CSMD1: variants seen among roughly 807,000 people sequenced by gnomAD.
CSMD1 encodes the protein CUB and sushi domain-containing protein 1.
A neutral mutation model predicts 417.5 loss-of-function variants in CSMD1; 213 were observed. That is an observed-to-expected ratio of 0.51 (90% CI 0.46 to 0.57). The LOEUF is 0.57. Ranked by LOEUF, CSMD1 falls within the 20% of genes least tolerant of loss-of-function variation. CSMD1 has a pLI of 0.00. For missense variants in CSMD1, 6,923 were observed against 4,529.7 expected (o/e 1.53, Z -15.17); for synonymous variants, 2,862 against 1,736.8 (o/e 1.65, Z -16.11).
At chr8:3,856,424 C>T (rs1360657229) in intron 5 of CSMD1, among the ~76,000 whole-genome samples, 1 of 152,152 alleles carries the variant, frequency 6.6e-6, no homozygotes, top group Non-Finnish European at 1.5e-5. Flanking sequence ...TTCTTTATAG[C>T]AATGCAAGAA....
intron 10 of CSMD1, among the ~76,000 whole-genome samples, chr8:3,572,225 G>C (rs1391686772): frequency 2.6e-5 from 4 of 152,172 alleles, no homozygotes; most frequent in Non-Finnish European, 4.4e-5. Context: ...CTCAGTCCAA[G>C]TGGGGCTGTG....
chr8:3,233,656 TC>T (rs1279205880), intron 26 of CSMD1, among the ~76,000 whole-genome samples: 1 of 152,216 alleles, frequency 6.6e-6, no homozygotes, highest in Admixed American at 6.5e-5. Context: ...ATTTTTATTC[TC>T]TTTTTTTTCA....
At chr8:3,635,117 C>T (rs1262904557) in intron 7 of CSMD1, among the ~76,000 whole-genome samples, 2 of 152,032 alleles carry the variant, frequency 1.3e-5, no homozygotes, top group Non-Finnish European at 2.9e-5. Flanking sequence ...TGACGTTGCT[C>T]TGGGTGACTC....
chr8:3,666,799 C>A (rs1226476692), intron 7 of CSMD1, among the ~76,000 whole-genome samples: 1 of 151,914 alleles, frequency 6.6e-6, no homozygotes, highest in Non-Finnish European at 1.5e-5. Context: ...GATTGTGAGG[C>A]CTCCTCAGCC....
Position 4,638,780 on chromosome 8 carries a change from A to C in CSMD1, c.86-1222T>G, listed in dbSNP as rs181201116. Among the ~76,000 whole-genome samples, 47 of 152,304 alleles carry C rather than the reference A, an allele frequency of 3.1e-4. No individual in the cohort carries two copies. The East Asian group carries it at 9.1e-3, about 29-fold the overall frequency. On this transcript the variant is annotated intron_variant, in intron 1 of 69. Coordinates refer to ENST00000635120, the MANE Select transcript of CSMD1 (RefSeq NM_033225.6). ...GTTTAGGATTGACATGACAATGGGA[A>C]ATGATGAGGGCTGAAGGGCAATTGA... is the stretch of plus-strand genomic sequence containing the variant.
chr8:3,301,133 T>C (rs1278227932), intron 25 of CSMD1, among the ~76,000 whole-genome samples: 1 of 152,096 alleles, frequency 6.6e-6, no homozygotes, highest in Non-Finnish European at 1.5e-5. Context: ...CAATTGTTTT[T>C]TTTTAATTTT....
chr8:4,990,882 T>G (rs977569560), intron 1 of CSMD1, among the ~76,000 whole-genome samples: 3 of 152,128 alleles, frequency 2.0e-5, no homozygotes, highest in Non-Finnish European at 4.4e-5. Flanking sequence ...TCTCTCGCGG[T>G]GGAGTTACAG....
intron 2 of CSMD1, among the ~76,000 whole-genome samples, chr8:4,456,928 C>G (rs757474759): frequency 6.6e-6 from 1 of 150,452 alleles, no homozygotes; most frequent in East Asian, 2.0e-4. Flanking sequence ...AACTGTTTAT[C>G]CTGAGCATGG....
At chr8:4,123,478 G>A (rs1293146375) in intron 3 of CSMD1, among the ~76,000 whole-genome samples, 2 of 152,142 alleles carry the variant, frequency 1.3e-5, no homozygotes, top group Non-Finnish European at 2.9e-5. Context: ...GTAAATCAGT[G>A]CAGTTGAATT....
intron 23 of CSMD1, among the ~76,000 whole-genome samples, chr8:3,336,433 T>C (rs1024687544): frequency 1.3e-5 from 2 of 152,206 alleles, no homozygotes; most frequent in African/African-American, 4.8e-5. Flanking sequence ...ATATAGCACT[T>C]GGATGTTTTC....
In CSMD1 at chr8:3,520,161, G is replaced by C. The variant is rs746753052; in HGVS notation, c.1345-26435C>G. On this transcript the variant is annotated intron_variant, in intron 10 of 69. Coordinates refer to ENST00000635120, the MANE Select transcript of CSMD1 (RefSeq NM_033225.6). The stretch of plus-strand genomic sequence containing the variant: ...TATGAGAATTACTGTTAAGAAACCA[G>C]AACCGAGAAGAAGAGAATTTCACTT... 2.0e-5 allele frequency among the ~76,000 whole-genome samples: 3 copies of C among 151,678 alleles called. No homozygotes were observed. In the South Asian group the frequency reaches 6.3e-4, roughly 32 times the overall value.
At chr8:4,799,766 T>A (rs1798177737) in intron 1 of CSMD1, among the ~76,000 whole-genome samples, 1 of 152,052 alleles carries the variant, frequency 6.6e-6, no homozygotes, top group South Asian at 2.1e-4. Flanking sequence ...CCTGGAAATT[T>A]TACGTATAGG....
chr8:4,426,823 T>A (rs916298259), intron 2 of CSMD1, among the ~76,000 whole-genome samples: 2 of 150,600 alleles, frequency 1.3e-5, no homozygotes, highest in African/African-American at 4.9e-5. Flanking sequence ...TATTACATGA[T>A]ACATAGTATA....
At chr8:4,730,316 G>T (rs960079462) in intron 1 of CSMD1, among the ~76,000 whole-genome samples, 4 of 152,104 alleles carry the variant, frequency 2.6e-5, no homozygotes, top group African/African-American at 9.7e-5. Flanking sequence ...GACAAATTCA[G>T]TTCAAAGAAA....
chr8:4,047,826 G>C lies in CSMD1; in HGVS notation c.416-15727C>G, dbSNP rs891404217. On this transcript the variant is annotated intron_variant, in intron 3 of 69. Coordinates refer to ENST00000635120, the MANE Select transcript of CSMD1 (RefSeq NM_033225.6). The stretch of plus-strand genomic sequence containing the variant: ...AGTCAGGAAACACCTCAATAAGAAA[G>C]TGGCATTGAAAAAAAATATGAAGTA... 2.6e-5 allele frequency among the ~76,000 whole-genome samples: 4 copies of C among 151,918 alleles called. No homozygotes were observed. In the East Asian group the frequency reaches 5.8e-4, roughly 22 times the overall value.
At chr8:3,707,624 T>C (rs1471973045) in intron 7 of CSMD1, among the ~76,000 whole-genome samples, 2 of 152,112 alleles carry the variant, frequency 1.3e-5, no homozygotes, top group East Asian at 1.9e-4. Context: ...TGTTATGACA[T>C]GTGTAAGGTC....
At chr8:3,849,717 A>G (rs1803759237) in intron 5 of CSMD1, among the ~76,000 whole-genome samples, 1 of 152,220 alleles carries the variant, frequency 6.6e-6, no homozygotes, top group Non-Finnish European at 1.5e-5. Context: ...CAGGAAACAC[A>G]GGGTGTAAAC....
chr8:3,385,573 A>T (rs1004556053), intron 18 of CSMD1, among the ~76,000 whole-genome samples: 1 of 152,154 alleles, frequency 6.6e-6, no homozygotes. Flanking sequence ...CAAGGAGTAT[A>T]TCCTGTTCTT....
At chr8:4,841,686 G>A (rs1239471913) in intron 1 of CSMD1, among the ~76,000 whole-genome samples, 2 of 151,984 alleles carry the variant, frequency 1.3e-5, no homozygotes, top group Non-Finnish European at 2.9e-5. Context: ...TGAGGCAGGC[G>A]GATCATCTGA....
Sources: gnomAD v4.1 joint callset for allele counts (sites outside exome capture counted in the v4.1 genomes callset) on GRCh38, gnomAD v4.1.1 for gene constraint, MANE v1.5 for transcripts, NCBI Gene and HGNC (gene_info 2026-07-23, HGNC 2026-07-21) for gene names.